The following BZW2 variants were observed in gnomAD, a reference collection of about 807,000 sequenced individuals.
BZW2 encodes eIF5-mimic protein 1.
Under a neutral mutation model 53.2 loss-of-function variants are expected in BZW2, and 23 were observed. The ratio of observed to expected loss-of-function variants is 0.43; its 90% CI spans 0.31 to 0.61. BZW2 has a LOEUF of 0.61. BZW2 is among the 20% of genes least tolerant of loss of function. BZW2 has a pLI of 0.09. For missense variants in BZW2, 409 were observed against 503.1 expected (o/e 0.81, Z 1.79); for synonymous variants, 227 against 186.4 (o/e 1.22, Z -1.77).
intron 1 of BZW2, among the ~76,000 whole-genome samples, chr7:16,649,541 A>G (rs1255497800): frequency 1.3e-5 from 2 of 151,956 alleles, no homozygotes; most frequent in African/African-American, 4.8e-5. Context: ...CCCATTAAAG[A>G]CCCTGATTTC....
Position 16,671,930 on chromosome 7 carries a change from C to CAAAAAAAAAA in BZW2, c.59-2474_59-2465dup, listed in dbSNP as rs56356463. 1.8e-3 allele frequency among the ~76,000 whole-genome samples: 176 copies of CAAAAAAAAAA among 99,366 alleles called. 4 individuals are homozygous for CAAAAAAAAAA. Among genetic ancestry groups the CAAAAAAAAAA allele is most frequent in the South Asian group, 7.1e-3 (20 of 2,800 alleles). 65.2% of individuals were successfully genotyped at this position (99,366 alleles called of 152,430 possible). A position where few individuals can be genotyped will look rare whatever the true frequency, so the allele number is the denominator to read the frequency against. ...TGGGTGACAGAGTGAGACCCTGTTT[C>CAAAAAAAAAA]AAAAAAAAAAAAAAAAATCGGAACA... is the stretch of plus-strand genomic sequence containing the variant. On this transcript the variant is annotated intron_variant, in intron 2 of 11. Coordinates refer to ENST00000258761, the MANE Select transcript of BZW2 (RefSeq NM_014038.3).
At chr7:16,698,228 G>A (rs779473598) in intron 10 of BZW2, 42 bp downstream of exon 10, 1 of 1,611,730 alleles carries the variant, frequency 6.2e-7, no homozygotes, top group African/African-American at 1.3e-5. Context: ...GTGTTTTGCT[G>A]AAGCTCTTTG....
Position 16,681,302 on chromosome 7 carries a change from C to G in BZW2, c.237C>G (p.Ala79=). The change falls in exon 4 of 12, where the codon GCC becomes GCG. Residue 79 remains alanine (A), a splice_region_variant and synonymous_variant. Coordinates refer to ENST00000258761, the MANE Select transcript of BZW2 (RefSeq NM_014038.3). ...TTACAATTACCTTTCTCTTTTTAGC[C>G]CCTGGAGGAACGCGCATAGATGATG... ...FDILVAGSML[A]PGGTRIDDGD... 3 of 1,612,498 alleles carry G rather than the reference C, an allele frequency of 1.9e-6. No homozygotes were observed. Among genetic ancestry groups the G allele is most frequent in the Non-Finnish European group, 2.5e-6 (3 of 1,179,006 alleles).
intron 7 of BZW2, among the ~76,000 whole-genome samples, chr7:16,691,905 CAT>C (rs1202634300): frequency 1.4e-5 from 2 of 147,332 alleles, no homozygotes; most frequent in Non-Finnish European, 3.0e-5. Context: ...TGTGTGTGTA[CAT>C]ATGTGTGTGT....
chr7:16,684,957 C>CA (rs1418289720), intron 5 of BZW2, among the ~76,000 whole-genome samples: 1 of 152,200 alleles, frequency 6.6e-6, no homozygotes, highest in Admixed American at 6.5e-5. Context: ...GGTGGAGACA[C>CA]TTAAGTCTCT....
In BZW2 at chr7:16,681,405, G is replaced by A. The variant is rs1782941220; in HGVS notation, c.339+1G>A. 1 of 1,612,196 alleles carries A rather than the reference G, an allele frequency of 6.2e-7. No individual in the cohort carries two copies. Among genetic ancestry groups the A allele is most frequent in the African/African-American group, 1.3e-5 (1 of 74,862 alleles). On this transcript the variant is annotated splice_donor_variant, in intron 4 of 11. Coordinates refer to ENST00000258761, the MANE Select transcript of BZW2 (RefSeq NM_014038.3). LOFTEE classifies it high-confidence loss of function. Reference sequence around the variant, plus strand: ...TGAAACCATCCGAAACTATGCTCAGGTAGAGCCTGTTTGAGAGACTGAAGC... The same window carrying A: ...TGAAACCATCCGAAACTATGCTCAGATAGAGCCTGTTTGAGAGACTGAAGC...
At chr7:16,654,531 C>T (rs1032477789) in intron 1 of BZW2, among the ~76,000 whole-genome samples, 3 of 116,892 alleles carry the variant, frequency 2.6e-5, no homozygotes, top group Non-Finnish European at 3.4e-5. Context: ...CAAAAAAAAA[C>T]GGATGATATT....
intron 2 of BZW2, among the ~76,000 whole-genome samples, chr7:16,666,075 A>G (rs571946717): frequency 6.6e-6 from 1 of 152,106 alleles, no homozygotes; most frequent in Non-Finnish European, 1.5e-5. Context: ...TCATCTTAGC[A>G]TTCTTTTTGT....
intron 2 of BZW2, among the ~76,000 whole-genome samples, chr7:16,672,562 T>TC (rs1201764627): frequency 6.6e-6 from 1 of 152,208 alleles, no homozygotes; most frequent in East Asian, 1.9e-4. Flanking sequence ...AATTTTTTCT[T>TC]TTGAAGTTTT....
intron 3 of BZW2, among the ~76,000 whole-genome samples, chr7:16,679,397 AG>A (rs1309658260): frequency 6.6e-6 from 1 of 152,234 alleles, no homozygotes; most frequent in Admixed American, 6.5e-5. Flanking sequence ...CAACAGTTCC[AG>A]GTGGTTATAT....
chr7:16,652,796 A>G (rs918770975), intron 1 of BZW2, among the ~76,000 whole-genome samples: 2 of 152,328 alleles, frequency 1.3e-5, no homozygotes, highest in East Asian at 3.9e-4. Context: ...AAGTGCTGGG[A>G]TTACAGGCAT....
At chr7:16,704,875 A>C (rs1373916323) in intron 11 of BZW2, among the ~76,000 whole-genome samples, 1 of 152,258 alleles carries the variant, frequency 6.6e-6, no homozygotes, top group Non-Finnish European at 1.5e-5. Flanking sequence ...AAAGAAAGAA[A>C]TGAAATGCTT....
At chr7:16,671,498 T>A (rs528796423) in intron 2 of BZW2, among the ~76,000 whole-genome samples, 2 of 152,164 alleles carry the variant, frequency 1.3e-5, no homozygotes, top group African/African-American at 4.8e-5. Context: ...CTTTCACCAT[T>A]ATCCACAAGA....
chr7:16,705,803 A>G (rs116365172), intron 11 of BZW2, among the ~76,000 whole-genome samples: 4,620 of 150,286 alleles, frequency 0.031, 243 homozygotes, highest in African/African-American at 0.11. Flanking sequence ...TAAATTTAAT[A>G]TATATAAAAT....
At chr7:16,679,200 A>G (rs1044870333) in intron 3 of BZW2, among the ~76,000 whole-genome samples, 75 of 152,200 alleles carry the variant, frequency 4.9e-4, no homozygotes, top group African/African-American at 1.7e-3. Context: ...GTAAGTATTG[A>G]TTGGGGAAGT....
chr7:16,685,820 C>CATTCAGT, intron 5 of BZW2, 85 bp from the exon 6 acceptor site: 1 of 1,424,726 alleles, frequency 7.0e-7, no homozygotes, highest in Non-Finnish European at 9.2e-7. Flanking sequence ...AGTTTATCTT[C>CATTCAGT]CCACTTCAGT....
intron 9 of BZW2, 136 bp downstream of exon 9, chr7:16,697,197 C>T (rs1783525608): frequency 9.8e-7 from 1 of 1,017,186 alleles, no homozygotes; most frequent in Non-Finnish European, 1.4e-6. Context: ...TCAAGCCACC[C>T]TCCCTCCTCA....
intron 6 of BZW2, chr7:16,686,430 G>T (rs1012076062): frequency 1.1e-5 from 2 of 177,948 alleles, no homozygotes; most frequent in African/African-American, 4.8e-5. Flanking sequence ...TCAAGGTCTA[G>T]AGAAACTGAT....
chr7:16,651,752 C>G (rs1419212219), intron 1 of BZW2, among the ~76,000 whole-genome samples: 2 of 152,144 alleles, frequency 1.3e-5, no homozygotes, highest in Non-Finnish European at 2.9e-5. Context: ...GTTAAATTCT[C>G]TCTCTAAAGA....
Sources: gnomAD v4.1 joint callset for allele counts (sites outside exome capture counted in the v4.1 genomes callset) on GRCh38, gnomAD v4.1.1 for gene constraint, MANE v1.5 for transcripts, NCBI Gene and HGNC (gene_info 2026-07-23, HGNC 2026-07-21) for gene names.